Variants in CA10 observed in about 807,000 individuals in gnomAD.
The protein encoded by CA10 is carbonic anhydrase-related protein 10.
In CA10, 14 loss-of-function variants were observed where a neutral mutation model predicts 44.2. The ratio of observed to expected loss-of-function variants is 0.32; its 90% confidence interval spans 0.21 to 0.50. The LOEUF is 0.50. Among genes scored for constraint, CA10 ranks in the 20% least tolerant of loss-of-function variants. CA10 has a pLI of 0.99. For synonymous variants in CA10, 159 were observed against 141.6 expected (o/e 1.12, Z -0.87); for missense variants, 350 against 409.7 (o/e 0.85, Z 1.26).
At chr17:51,763,159 C>G (rs1196879460) in intron 3 of CA10, 1 of 152,218 alleles carries the variant, frequency 6.6e-6, no homozygotes, top group African/African-American at 2.4e-5. Flanking sequence ...TAATCAATAT[C>G]TCAGAAATAT....
chr17:52,087,910 T>C (rs569153165), intron 1 of CA10, among the ~76,000 whole-genome samples: 17 of 152,152 alleles, frequency 1.1e-4, no homozygotes, highest in Non-Finnish European at 1.9e-4. Context: ...GTGACCAAAT[T>C]GCTGCTCTAT....
At chr17:51,959,294 G>A (rs756171434) in intron 2 of CA10, among the ~76,000 whole-genome samples, 1 of 142,804 alleles carries the variant, frequency 7.0e-6, no homozygotes, top group Admixed American at 6.9e-5. Context: ...GTGTGTGTGT[G>A]TGTGTGTGTG....
At chr17:51,796,059 T>A (rs1567842355) in intron 3 of CA10, among the ~76,000 whole-genome samples, 1 of 152,172 alleles carries the variant, frequency 6.6e-6, no homozygotes, top group Non-Finnish European at 1.5e-5. Flanking sequence ...GCAGTGAGAC[T>A]GGAACCTGGG....
intron 6 of CA10, among the ~76,000 whole-genome samples, chr17:51,644,974 T>G (rs1913259694): frequency 6.6e-6 from 1 of 152,030 alleles, no homozygotes; most frequent in South Asian, 2.1e-4. Context: ...ATTTTTGTAT[T>G]TTTAGTGGAG....
intron 4 of CA10, among the ~76,000 whole-genome samples, chr17:51,725,252 G>T (rs1052335828): frequency 6.6e-6 from 1 of 152,194 alleles, no homozygotes; most frequent in Non-Finnish European, 1.5e-5. Flanking sequence ...TGAGTGGGCC[G>T]GAGCCCCTTT....
At chr17:51,831,667 A>C (rs1908245735) in intron 3 of CA10, among the ~76,000 whole-genome samples, 2 of 127,492 alleles carry the variant, frequency 1.6e-5, no homozygotes, top group South Asian at 3.0e-4. Context: ...AGAAAAGAAA[A>C]AGCAGCAGCA....
intron 3 of CA10, among the ~76,000 whole-genome samples, chr17:51,926,715 C>T (rs770116974): frequency 1.9e-4 from 29 of 152,290 alleles, no homozygotes; most frequent in Middle Eastern, 3.4e-3. Context: ...CTGCTTCTGT[C>T]TTTTCCTTTT....
intron 4 of CA10, among the ~76,000 whole-genome samples, chr17:51,730,046 C>A (rs1916662745): frequency 6.6e-6 from 1 of 152,196 alleles, no homozygotes; most frequent in Non-Finnish European, 1.5e-5. Flanking sequence ...CAAGTCTAAG[C>A]AATCTGGATG....
intron 3 of CA10, among the ~76,000 whole-genome samples, chr17:51,912,740 A>G (rs563627961): frequency 6.6e-6 from 1 of 152,322 alleles, no homozygotes; most frequent in Non-Finnish European, 1.5e-5. Flanking sequence ...TTTTCCTGAT[A>G]TCATACCCAA....
chr17:51,710,262 A>C (rs998644417), intron 4 of CA10, among the ~76,000 whole-genome samples: 2 of 152,226 alleles, frequency 1.3e-5, no homozygotes, highest in African/African-American at 4.8e-5. Context: ...AGGAGGGACC[A>C]AAGTCAGCTT....
intron 1 of CA10, among the ~76,000 whole-genome samples, chr17:52,155,161 CA>C (rs1989779106): frequency 6.6e-6 from 1 of 152,196 alleles, no homozygotes; most frequent in Admixed American, 6.5e-5. Context: ...ATAATGAAGC[CA>C]ACTCTATCAA....
chr17:51,909,777 G>A (rs1012770793), intron 3 of CA10, among the ~76,000 whole-genome samples: 2 of 151,976 alleles, frequency 1.3e-5, no homozygotes, highest in Non-Finnish European at 2.9e-5. Context: ...TCACTCTTCC[G>A]CAATATTTGC....
intron 2 of CA10, among the ~76,000 whole-genome samples, chr17:51,956,222 T>G (rs1983661211): frequency 6.6e-6 from 1 of 152,156 alleles, no homozygotes; most frequent in South Asian, 2.1e-4. Context: ...TAAGTCTCCT[T>G]GATTCTAAGG....
intron 4 of CA10, among the ~76,000 whole-genome samples, chr17:51,728,592 T>A (rs1011267414): frequency 1.3e-5 from 2 of 152,196 alleles, no homozygotes; most frequent in Non-Finnish European, 2.9e-5. Flanking sequence ...GCTTATGGAT[T>A]TTTGGATACA....
At chr17:52,129,848 G>A (rs1322655039) in intron 1 of CA10, among the ~76,000 whole-genome samples, 6 of 152,098 alleles carry the variant, frequency 3.9e-5, no homozygotes, top group Non-Finnish European at 8.8e-5. Context: ...CACAGAAAAG[G>A]AAACAGTCAA....
At chr17:51,841,949 G>A (rs953523515) in intron 3 of CA10, among the ~76,000 whole-genome samples, 2 of 152,122 alleles carry the variant, frequency 1.3e-5, no homozygotes, top group Non-Finnish European at 2.9e-5. Flanking sequence ...TTTTCCTTCT[G>A]CCTCTTTTTA....
At chr17:52,139,451 A>ATT (rs57107629) in intron 1 of CA10, among the ~76,000 whole-genome samples, 112 of 140,646 alleles carry the variant, frequency 8.0e-4, no homozygotes, top group African/African-American at 2.3e-3. Flanking sequence ...AGACAAGGTG[A>ATT]TTTTTTTTTT....
chr17:51,975,837 C>T (rs567043078), intron 2 of CA10, among the ~76,000 whole-genome samples: 25 of 147,632 alleles, frequency 1.7e-4, no homozygotes, highest in Non-Finnish European at 3.4e-4. Context: ...CGCCGCTGCA[C>T]TCCAGCCTGG....
intron 4 of CA10, among the ~76,000 whole-genome samples, chr17:51,714,395 C>T (rs1033960624): frequency 6.6e-6 from 1 of 152,172 alleles, no homozygotes; most frequent in South Asian, 2.1e-4. Context: ...CCTGTCTTCT[C>T]ACAGGGGTTT....
Sources: gnomAD v4.1 joint callset for allele counts (sites outside exome capture counted in the v4.1 genomes callset) on GRCh38, gnomAD v4.1.1 for gene constraint, MANE v1.5 for transcripts, NCBI Gene and HGNC (gene_info 2026-07-23, HGNC 2026-07-21) for gene names.